TAFA4: variants seen among roughly 807,000 people sequenced by gnomAD.
The protein encoded by TAFA4 is TAFA chemokine like family member 4.
A neutral mutation model predicts 21.1 loss-of-function variants in TAFA4; 20 were observed. The ratio of observed to expected loss-of-function variants is 0.95; its 90% CI spans 0.67 to 1.38. The LOEUF (loss-of-function observed/expected upper bound fraction) is 1.38. Ranked by LOEUF, TAFA4 falls within the 40% of genes most tolerant of loss-of-function variation. The pLI, the probability that TAFA4 is intolerant of heterozygous loss-of-function variation, is 0.00. For synonymous variants in TAFA4, 71 were observed against 67.4 expected (o/e 1.05, Z -0.26); for missense variants, 211 against 180.9 (o/e 1.17, Z -0.95).
At chr3:68,838,679 G>T (rs1469219530) in intron 3 of TAFA4, among the ~76,000 whole-genome samples, 1 of 152,158 alleles carries the variant, frequency 6.6e-6, no homozygotes, top group Admixed American at 6.5e-5. Context: ...CTTTAAAAAT[G>T]TAAAAATCAT....
At chr3:68,737,229 T>C (rs569711589) in intron 5 of TAFA4, among the ~76,000 whole-genome samples, 3 of 152,262 alleles carry the variant, frequency 2.0e-5, no homozygotes, top group Admixed American at 6.5e-5. Flanking sequence ...ACTCCAAGAT[T>C]TTCACTTAGG....
At chr3:68,931,397 C>T (rs374098757) in intron 1 of TAFA4, among the ~76,000 whole-genome samples, 1 of 152,006 alleles carries the variant, frequency 6.6e-6, no homozygotes, top group Non-Finnish European at 1.5e-5. Context: ...CCGTGGAGCC[C>T]CTAAACGTTA....
chr3:68,840,357 T>G (rs2106892419), intron 3 of TAFA4, among the ~76,000 whole-genome samples: 2 of 152,178 alleles, frequency 1.3e-5, no homozygotes, highest in African/African-American at 4.8e-5. Flanking sequence ...CACAGGCATG[T>G]GCCACCATGC....
intron 3 of TAFA4, among the ~76,000 whole-genome samples, chr3:68,785,552 C>G (rs752934649): frequency 2.0e-5 from 3 of 152,124 alleles, no homozygotes; most frequent in East Asian, 3.9e-4. Flanking sequence ...GCCGGCCGGC[C>G]GCTCCTAATG....
intron 3 of TAFA4, among the ~76,000 whole-genome samples, chr3:68,814,735 T>C (rs1411205109): frequency 7.2e-5 from 11 of 152,162 alleles, no homozygotes; most frequent in Non-Finnish European, 1.5e-4. Flanking sequence ...ATGGCCATAC[T>C]GCCCAAGGTA....
At chr3:68,860,257 A>C (rs2089318014) in intron 3 of TAFA4, among the ~76,000 whole-genome samples, 1 of 152,168 alleles carries the variant, frequency 6.6e-6, no homozygotes, top group Non-Finnish European at 1.5e-5. Flanking sequence ...CATGGCACCT[A>C]CCTAATGAAC....
intron 1 of TAFA4, among the ~76,000 whole-genome samples, chr3:68,925,339 T>C (rs1421778442): frequency 6.6e-6 from 1 of 152,204 alleles, no homozygotes; most frequent in Non-Finnish European, 1.5e-5. Flanking sequence ...GATGTTTACA[T>C]TACAATCTGG....
intron 3 of TAFA4, among the ~76,000 whole-genome samples, chr3:68,822,672 G>A (rs1704139059): frequency 6.6e-6 from 1 of 152,052 alleles, no homozygotes; most frequent in Non-Finnish European, 1.5e-5. Context: ...GTTTAACCAT[G>A]TTTCAGGGAG....
chr3:68,815,999 G>A (rs201297386), intron 3 of TAFA4, among the ~76,000 whole-genome samples: 20 of 152,144 alleles, frequency 1.3e-4, no homozygotes, highest in Non-Finnish European at 2.8e-4. Context: ...AAAAGGATGC[G>A]TTCATGTCCT....
chr3:68,741,791 CA>C (rs1158204495), intron 4 of TAFA4, among the ~76,000 whole-genome samples: 8 of 148,960 alleles, frequency 5.4e-5, no homozygotes, highest in African/African-American at 1.5e-4. Flanking sequence ...GACTCCATCT[CA>C]AAAAAAAATA....
intron 3 of TAFA4, among the ~76,000 whole-genome samples, chr3:68,841,897 T>C (rs1279882634): frequency 2.6e-5 from 4 of 152,194 alleles, no homozygotes; most frequent in Non-Finnish European, 5.9e-5. Context: ...TATGGCTGCA[T>C]AGTATTCCAT....
At chr3:68,893,312 C>T (rs1353550757) in intron 1 of TAFA4, among the ~76,000 whole-genome samples, 1 of 152,180 alleles carries the variant, frequency 6.6e-6, no homozygotes, top group Non-Finnish European at 1.5e-5. Context: ...TCTTCTAATA[C>T]TATCATCATT....
chr3:68,914,778 T>C (rs1381110060), intron 1 of TAFA4, among the ~76,000 whole-genome samples: 1 of 152,196 alleles, frequency 6.6e-6, no homozygotes, highest in Non-Finnish European at 1.5e-5. Flanking sequence ...CAACAAACTT[T>C]GTCCATGGGC....
chr3:68,818,150 T>C (rs1704029899), intron 3 of TAFA4, among the ~76,000 whole-genome samples: 1 of 152,232 alleles, frequency 6.6e-6, no homozygotes, highest in Admixed American at 6.5e-5. Context: ...TATCAGCACT[T>C]GGCTACTTCA....
intron 1 of TAFA4, among the ~76,000 whole-genome samples, chr3:68,917,359 G>A (rs1486204289): frequency 6.6e-6 from 1 of 152,116 alleles, no homozygotes; most frequent in Non-Finnish European, 1.5e-5. Context: ...TACAGTTTGA[G>A]TTTTTAGGGC....
intron 3 of TAFA4, among the ~76,000 whole-genome samples, chr3:68,827,823 C>T (rs982752676): frequency 2.0e-5 from 3 of 152,156 alleles, no homozygotes; most frequent in Non-Finnish European, 4.4e-5. Context: ...TTCTCCCATT[C>T]TGTAGGTTGC....
intron 3 of TAFA4, among the ~76,000 whole-genome samples, chr3:68,827,717 A>G (rs1346916831): frequency 6.6e-6 from 1 of 152,112 alleles, no homozygotes; most frequent in Non-Finnish European, 1.5e-5. Context: ...TCCCTTGCCC[A>G]CTTTTTAACG....
intron 3 of TAFA4, among the ~76,000 whole-genome samples, chr3:68,856,011 A>C (rs971277598): frequency 9.9e-5 from 15 of 152,136 alleles, no homozygotes; most frequent in African/African-American, 3.6e-4. Context: ...TCCCAAACTA[A>C]GATGGTGAGG....
intron 3 of TAFA4, among the ~76,000 whole-genome samples, chr3:68,871,958 T>C (rs549581932): frequency 6.4e-4 from 98 of 152,164 alleles, no homozygotes; most frequent in African/African-American, 2.3e-3. Context: ...TGGGGGAATG[T>C]AGATTAGTAC....
Sources: gnomAD v4.1 joint callset for allele counts (sites outside exome capture counted in the v4.1 genomes callset) on GRCh38, gnomAD v4.1.1 for gene constraint, MANE v1.5 for transcripts, NCBI Gene and HGNC (gene_info 2026-07-23, HGNC 2026-07-21) for gene names.